The following CNBD1 variants were observed in gnomAD, a reference collection of about 807,000 sequenced individuals.
The protein encoded by CNBD1 is cyclic nucleotide binding domain containing 1.
CNBD1 carries 71 observed loss-of-function variants against 54.4 expected under a neutral mutation model. The observed-to-expected ratio is 1.30, with a 90% CI of 1.08 to 1.59. The LOEUF is 1.59. Among genes scored for constraint, CNBD1 ranks in the 40% most tolerant of loss-of-function variants. The pLI is 0.00. For missense variants in CNBD1, 659 were observed against 518.0 expected (o/e 1.27, Z -2.64); for synonymous variants, 182 against 170.7 (o/e 1.07, Z -0.51).
chr8:86,866,966 G>C (rs973602060), intron 1 of CNBD1, among the ~76,000 whole-genome samples: 1 of 152,028 alleles, frequency 6.6e-6, no homozygotes, highest in Non-Finnish European at 1.5e-5. Context: ...CGCTTAATGG[G>C]ATAATTAATA....
chr8:87,262,462 A>T (rs1248877224), intron 6 of CNBD1, among the ~76,000 whole-genome samples: 1 of 152,148 alleles, frequency 6.6e-6, no homozygotes, highest in Non-Finnish European at 1.5e-5. Flanking sequence ...AAATAAATAG[A>T]CTGAGTAAAG....
chr8:87,349,908 G>A (rs1365939971), intron 8 of CNBD1, among the ~76,000 whole-genome samples: 2 of 152,086 alleles, frequency 1.3e-5, no homozygotes, highest in Non-Finnish European at 2.9e-5. Context: ...AAATTCCTGT[G>A]GCCTTATTCC....
chr8:86,964,413 C>G (rs996244705), intron 4 of CNBD1, among the ~76,000 whole-genome samples: 4 of 152,212 alleles, frequency 2.6e-5, no homozygotes, highest in African/African-American at 4.8e-5. Context: ...TAAAGCTTAT[C>G]CTAAAAATTC....
intron 6 of CNBD1, among the ~76,000 whole-genome samples, chr8:87,255,999 ATATATATATATATATATTTTTTTTTTTT>A (rs1808005785): frequency 6.5e-5 from 1 of 15,400 alleles, no homozygotes; most frequent in Admixed American, 1.0e-3. Flanking sequence ...ATATATATAT[ATATATATATATATATATTTTTTTTTTTT>A]TTTTTTTTTT....
intron 4 of CNBD1, among the ~76,000 whole-genome samples, chr8:87,065,797 T>G (rs563666044): frequency 6.6e-6 from 1 of 152,126 alleles, no homozygotes; most frequent in African/African-American, 2.4e-5. Context: ...AGGAGAAAAC[T>G]GGGACTTGCT....
chr8:86,978,437 A>C (rs1252857156), intron 4 of CNBD1, among the ~76,000 whole-genome samples: 1 of 151,694 alleles, frequency 6.6e-6, no homozygotes, highest in East Asian at 1.9e-4. Context: ...TAAAGTTAAG[A>C]TTGACCACAG....
chr8:86,953,637 T>A (rs1807683901), intron 4 of CNBD1, among the ~76,000 whole-genome samples: 1 of 151,864 alleles, frequency 6.6e-6, no homozygotes, highest in Non-Finnish European at 1.5e-5. Context: ...GAGGCCGAGG[T>A]GGGTGGATCG....
At chr8:87,416,861 T>G (rs527557972) in intron 2 of CNBD1, among the ~76,000 whole-genome samples, 1 of 152,020 alleles carries the variant, frequency 6.6e-6, no homozygotes, top group African/African-American at 2.4e-5. Context: ...TTTATAAATA[T>G]GGATGTAAAA....
At chr8:87,394,904 C>T (rs1352297468) in intron 2 of CNBD1, among the ~76,000 whole-genome samples, 9 of 151,674 alleles carry the variant, frequency 5.9e-5, no homozygotes, top group Admixed American at 2.6e-4. Context: ...CAAAATAAAG[C>T]AAAGCAAGAT....
At chr8:87,296,224 G>A (rs1468150948) in intron 8 of CNBD1, among the ~76,000 whole-genome samples, 1 of 152,166 alleles carries the variant, frequency 6.6e-6, no homozygotes, top group Non-Finnish European at 1.5e-5. Flanking sequence ...ACCCATAGGA[G>A]TGCATTAGCA....
intron 2 of CNBD1, among the ~76,000 whole-genome samples, chr8:86,894,338 G>T (rs1226005523): frequency 6.6e-6 from 1 of 151,952 alleles, no homozygotes; most frequent in East Asian, 1.9e-4. Context: ...TGGGATTACA[G>T]GCGTGAGCCA....
intron 5 of CNBD1, among the ~76,000 whole-genome samples, chr8:87,231,631 AT>A (rs1243245454): frequency 2.7e-5 from 4 of 150,000 alleles, no homozygotes; most frequent in Admixed American, 6.6e-5. Context: ...TTGTGAACAG[AT>A]TTTTTTCTCT....
At chr8:87,422,987 C>A (rs982699690) in intron 2 of CNBD1, among the ~76,000 whole-genome samples, 12 of 151,880 alleles carry the variant, frequency 7.9e-5, no homozygotes, top group Non-Finnish European at 2.9e-5. Flanking sequence ...AGAGGTCCTT[C>A]ACATCCCTTG....
At chr8:86,953,211 C>T (rs748029918) in intron 4 of CNBD1, among the ~76,000 whole-genome samples, 1 of 152,156 alleles carries the variant, frequency 6.6e-6, no homozygotes, top group Non-Finnish European at 1.5e-5. Flanking sequence ...CATGTGCCTT[C>T]ATCTCTCTTG....
intron 8 of CNBD1, among the ~76,000 whole-genome samples, chr8:87,347,883 A>C (rs961671179): frequency 3.3e-5 from 5 of 152,182 alleles, no homozygotes; most frequent in African/African-American, 9.6e-5. Context: ...GTGAGTAACC[A>C]TATTCTGATA....
intron 2 of CNBD1, among the ~76,000 whole-genome samples, chr8:87,389,131 C>G (rs1811254824): frequency 6.6e-6 from 1 of 152,114 alleles, no homozygotes. Flanking sequence ...ATGACAAACC[C>G]ACAGCCAATA....
chr8:87,277,891 AG>A (rs2130864164), intron 6 of CNBD1, among the ~76,000 whole-genome samples: 1 of 151,896 alleles, frequency 6.6e-6, no homozygotes, highest in Non-Finnish European at 1.5e-5. Context: ...AAAAATCAGT[AG>A]AAACAAACAC....
chr8:87,183,255 A>G (rs1813394421), intron 4 of CNBD1, among the ~76,000 whole-genome samples: 2 of 151,926 alleles, frequency 1.3e-5, no homozygotes, highest in South Asian at 2.1e-4. Context: ...TTTTGTAGGT[A>G]TATGTGTCTG....
intron 4 of CNBD1, among the ~76,000 whole-genome samples, chr8:87,162,908 CCTG>C (rs1469180477): frequency 6.6e-6 from 1 of 152,058 alleles, no homozygotes; most frequent in East Asian, 1.9e-4. Context: ...CTCCTTCCCT[CCTG>C]AATTGGATTA....
Sources: gnomAD v4.1 joint callset for allele counts (sites outside exome capture counted in the v4.1 genomes callset) on GRCh38, gnomAD v4.1.1 for gene constraint, MANE v1.5 for transcripts, NCBI Gene and HGNC (gene_info 2026-07-23, HGNC 2026-07-21) for gene names.